Variants in DOCK9 observed in about 807,000 individuals in gnomAD.
DOCK9 encodes dedicator of cytokinesis 9, also known as dedicator of cytokinesis protein 9.
DOCK9 carries 89 observed loss-of-function variants against 263.3 expected under a neutral mutation model. That is an observed-to-expected ratio of 0.34 (90% CI 0.28 to 0.40). The LOEUF (loss-of-function observed/expected upper bound fraction) is 0.40. Among genes scored for constraint, DOCK9 ranks in the 10% least tolerant of loss-of-function variants. The pLI, the probability that DOCK9 is intolerant of heterozygous loss-of-function variation, is 1.00. For synonymous variants in DOCK9, 976 were observed against 973.1 expected (o/e 1.00, Z -0.06); for missense variants, 2,140 against 2,603.4 (o/e 0.82, Z 3.87).
chr13:99,083,700 G>GA (rs1349596368), intron 1 of DOCK9, among the ~76,000 whole-genome samples: 1 of 152,146 alleles, frequency 6.6e-6, no homozygotes, highest in Non-Finnish European at 1.5e-5. Context: ...CTGAACACAT[G>GA]AAAAATGAAG....
intron 44 of DOCK9, 27 bp from the exon 45 acceptor site, chr13:98,824,531 C>A: frequency 1.2e-6 from 2 of 1,605,214 alleles, no homozygotes; most frequent in South Asian, 2.2e-5. Flanking sequence ...GAGGGACAGT[C>A]AGAGTTAGGA....
chr13:99,023,460 T>G (rs1886351324), intron 1 of DOCK9, among the ~76,000 whole-genome samples: 1 of 152,226 alleles, frequency 6.6e-6, no homozygotes, highest in African/African-American at 2.4e-5. Flanking sequence ...AGCATGGTAG[T>G]TGCCAGGTGC....
chr13:98,860,896 C>T (rs2093848923), intron 32 of DOCK9, among the ~76,000 whole-genome samples: 1 of 152,266 alleles, frequency 6.6e-6, no homozygotes, highest in South Asian at 2.1e-4. Flanking sequence ...CTCTTTCTAA[C>T]TGGAATGCTG....
rs770804700 is a variant in DOCK9, at chr13:98,829,563, CTGTT to C, written c.4750-45_4750-42del. ...AAGAGGAAAGGACACATGGCTTCCT[CTGTT>C]TGCTGCCTGTCCACAAGCACCTCAG... On this transcript the variant is annotated intron_variant, in intron 42 of 52. Transcript: ENST00000682017. The surrounding 1 kb of genome is among the most constrained non-coding windows in gnomAD (Gnocchi z 4.1). 2 of 1,590,960 alleles carry C rather than the reference CTGTT, an allele frequency of 1.3e-6. No homozygotes were observed. The highest frequency in any genetic ancestry group is 1.1e-5 in the South Asian group (1 of 87,938).
intron 9 of DOCK9, among the ~76,000 whole-genome samples, chr13:98,910,707 C>T (rs2049864690): frequency 6.6e-6 from 1 of 152,134 alleles, no homozygotes; most frequent in South Asian, 2.1e-4. Flanking sequence ...CTTCAGCCAC[C>T]TTCTGCCTGC....
At position 98,914,401 on chromosome 13, in the gene DOCK9, A is replaced by G. The variant is rs180736165; in HGVS notation, c.893-6T>C. 6.2e-7 allele frequency: 1 copy of G among 1,605,238 alleles called. No homozygotes were observed. Among genetic ancestry groups the G allele is most frequent in the Admixed American group, 1.7e-5 (1 of 58,780 alleles). ...CAATTTGCTTTGTTCATCATCTAAA[A>G]TGGCAAAACAGATTATCGGAATCAC... On this transcript the variant is annotated splice_polypyrimidine_tract_variant and splice_region_variant and intron_variant, in intron 8 of 52. Coordinates refer to ENST00000682017, the MANE Select transcript of DOCK9 (RefSeq NM_001366683.2).
intron 27 of DOCK9, among the ~76,000 whole-genome samples, chr13:98,870,933 G>A (rs191068969): frequency 6.7e-6 from 1 of 148,532 alleles, no homozygotes; most frequent in East Asian, 1.9e-4. Flanking sequence ...GATGAAAAGA[G>A]AACAGTTTAA....
intron 38 of DOCK9, among the ~76,000 whole-genome samples, 167 bp from the exon 39 acceptor site, chr13:98,837,776 AG>A (rs1388891499): frequency 1.3e-5 from 2 of 151,138 alleles, no homozygotes; most frequent in Non-Finnish European, 3.0e-5. Flanking sequence ...GGGGGAAGGA[AG>A]GGAGAAAGTA....
chr13:99,015,870 A>C, intron 1 of DOCK9: 1 of 907,292 alleles, frequency 1.1e-6, no homozygotes, highest in East Asian at 4.5e-5. Context: ...AAACCTTTAA[A>C]GTATCGTTTT....
intron 47 of DOCK9, 27 bp from the exon 48 acceptor site, chr13:98,807,834 A>C: frequency 6.3e-7 from 1 of 1,589,092 alleles, no homozygotes; most frequent in East Asian, 2.2e-5. Context: ...AATTAGAGCT[A>C]TCCCTGAACG....
At chr13:98,982,101 G>T (rs1441928772), upstream of DOCK9, among the ~76,000 whole-genome samples, 2 of 152,210 alleles carry the variant, frequency 1.3e-5, no homozygotes, top group Admixed American at 1.3e-4. Context: ...GTGGGGAAGA[G>T]GAAGGCTTCA....
chr13:99,072,085 T>C (rs2041704957), intron 1 of DOCK9, among the ~76,000 whole-genome samples: 1 of 152,244 alleles, frequency 6.6e-6, no homozygotes, highest in African/African-American at 2.4e-5. Context: ...TTTCCTTGAT[T>C]GGCTCTGTCA....
intron 30 of DOCK9, among the ~76,000 whole-genome samples, chr13:98,866,302 G>A (rs1166688367): frequency 2.0e-5 from 3 of 152,172 alleles, no homozygotes; most frequent in Admixed American, 6.5e-5. Flanking sequence ...TCTGAAGCTC[G>A]ACACAGTTGG....
At chr13:98,914,189 G>C in intron 9 of DOCK9, 139 bp downstream of exon 9, 1 of 707,910 alleles carries the variant, frequency 1.4e-6, no homozygotes, top group Non-Finnish European at 2.3e-6. Context: ...ACGTCACCTC[G>C]TAATCAGGTC....
chr13:98,807,936 T>A, intron 47 of DOCK9, 129 bp from the exon 48 acceptor site: 1 of 707,098 alleles, frequency 1.4e-6, no homozygotes, highest in East Asian at 2.8e-5. Flanking sequence ...ATGGGCTTTC[T>A]GAATGAGAAA....
rs1888110933 is a variant in DOCK9, at chr13:99,038,288, C to CCGCT, written c.129+47934_129+47935insAGCG. On this transcript the variant is annotated intron_variant, in intron 1 of 32. Transcript: ENST00000427887. ...GCTGAAAAACTGGCTTTATGCCCCC[C>CCGCT]TTTTTTTTTTTTTTTTTTTTTTTTT... is the stretch of plus-strand genomic sequence containing the variant. Among the ~76,000 whole-genome samples the CCGCT allele has an allele frequency of 9.3e-5, 8 of 86,264 alleles. 1 individual carries two copies. Among genetic ancestry groups the CCGCT allele is most frequent in the African/African-American group, 9.3e-5 (2 of 21,552 alleles). The allele number at this position is 86,264 out of a possible 152,430, so 56.6% of individuals were successfully genotyped here.
chr13:98,961,398 C>G (rs1333913246), intron 1 of DOCK9, among the ~76,000 whole-genome samples: 2 of 152,134 alleles, frequency 1.3e-5, no homozygotes, highest in Admixed American at 1.3e-4. Context: ...GTGCCCCTCC[C>G]ACCTCTACAC....
intron 1 of DOCK9, among the ~76,000 whole-genome samples, chr13:99,054,991 A>T (rs1235331127): frequency 6.6e-6 from 1 of 152,244 alleles, no homozygotes; most frequent in Non-Finnish European, 1.5e-5. Flanking sequence ...TCAGTCATGA[A>T]TTGCTAATAG....
chr13:99,009,957 A>G (rs1228406622), intron 1 of DOCK9, among the ~76,000 whole-genome samples: 1 of 152,120 alleles, frequency 6.6e-6, no homozygotes, highest in Non-Finnish European at 1.5e-5. Context: ...AAATCTTGTA[A>G]TGACAGAGAC....
Sources: allele counts gnomAD v4.1 joint callset (sites outside exome capture counted in the v4.1 genomes callset), GRCh38; gene constraint gnomAD v4.1.1; non-coding constraint Gnocchi (gnomAD v3.1); transcripts MANE v1.5; gene names NCBI Gene and HGNC (gene_info 2026-07-23, HGNC 2026-07-21).